Variants in GABRB1 observed in about 807,000 individuals in gnomAD.
GABRB1 encodes the protein gamma-aminobutyric acid type A receptor subunit beta1.
GABRB1 carries 17 observed loss-of-function variants against 51.6 expected under a neutral mutation model. The ratio of observed to expected loss-of-function variants is 0.33; its 90% CI spans 0.23 to 0.49. The LOEUF (loss-of-function observed/expected upper bound fraction) is 0.49. Ranked by LOEUF, GABRB1 falls within the 20% of genes least tolerant of loss-of-function variation. The pLI, the probability that GABRB1 is intolerant of heterozygous loss-of-function variation, is 0.99. For missense variants in GABRB1, 410 were observed against 600.6 expected, an observed-to-expected ratio of 0.68 and a Z score of 3.32; for synonymous variants, 247 against 218.9, an observed-to-expected ratio of 1.13 and a Z score of -1.14.
rs186868562 is a variant in GABRB1, at chr4:47,131,458, G to A, written c.241-29791G>A. 3.8e-4 allele frequency among the ~76,000 whole-genome samples: 58 copies of A among 152,230 alleles called. No individual in the cohort carries two copies. In the East Asian group the frequency reaches 7.0e-3, roughly 18 times the overall value. On this transcript the variant is annotated intron_variant, in intron 3 of 8. Coordinates refer to ENST00000295454, the MANE Select transcript of GABRB1 (RefSeq NM_000812.4). ...CCGGTGTGAGCCACCGCACCAGGCC[G>A]AGTCTTGTTTTTCTGAGTGCAATGT... is the stretch of plus-strand genomic sequence containing the variant.
At chr4:47,093,427 TATA>T (rs1714221320) in intron 3 of GABRB1, among the ~76,000 whole-genome samples, 1 of 152,256 alleles carries the variant, frequency 6.6e-6, no homozygotes, top group Non-Finnish European at 1.5e-5. Flanking sequence ...CAATGTTCTC[TATA>T]ATAAATACTG....
At chr4:47,311,868 G>T (rs1464252617) in intron 4 of GABRB1, among the ~76,000 whole-genome samples, 2 of 151,956 alleles carry the variant, frequency 1.3e-5, no homozygotes, top group Non-Finnish European at 2.9e-5. Context: ...ATTATTTGTG[G>T]GAGTCCAATG....
chr4:47,033,462 C>CAGCT (rs1363462151), intron 3 of GABRB1, among the ~76,000 whole-genome samples: 2 of 152,178 alleles, frequency 1.3e-5, no homozygotes, highest in African/African-American at 4.8e-5. Flanking sequence ...ACCCAGGGAA[C>CAGCT]AGCTAGATCT....
At chr4:47,226,595 T>C (rs904262773) in intron 4 of GABRB1, among the ~76,000 whole-genome samples, 3 of 152,062 alleles carry the variant, frequency 2.0e-5, no homozygotes, top group African/African-American at 4.8e-5. Flanking sequence ...AATAAAATCC[T>C]TTTTTTATAT....
intron 4 of GABRB1, among the ~76,000 whole-genome samples, chr4:47,214,513 A>AT (rs1330166144): frequency 6.6e-6 from 1 of 152,162 alleles, no homozygotes; most frequent in African/African-American, 2.4e-5. Flanking sequence ...TGTAGGGCTT[A>AT]TGAGAGAATG....
chr4:47,032,694 C>T (rs755826937), intron 3 of GABRB1: 2 of 712,938 alleles, frequency 2.8e-6, no homozygotes, highest in Non-Finnish European at 2.6e-6. Context: ...CCAGGGGAAA[C>T]GTGCTCGGCA....
intron 3 of GABRB1, among the ~76,000 whole-genome samples, chr4:47,125,515 G>A (rs537556293): frequency 9.4e-4 from 140 of 149,412 alleles, no homozygotes; most frequent in African/African-American, 3.2e-3. Flanking sequence ...TTTCAAGATA[G>A]CTATAGATAC....
intron 3 of GABRB1, among the ~76,000 whole-genome samples, chr4:47,138,954 T>G (rs1425735430): frequency 6.6e-6 from 1 of 152,086 alleles, no homozygotes; most frequent in Non-Finnish European, 1.5e-5. Flanking sequence ...TTTGCTTAAA[T>G]AAGTGGCTTC....
upstream of GABRB1, among the ~76,000 whole-genome samples, chr4:47,029,763 T>C (rs908586298): frequency 4.6e-5 from 7 of 152,108 alleles, no homozygotes; most frequent in Non-Finnish European, 8.8e-5. Flanking sequence ...TTATGGATAA[T>C]AAATTGTCTT....
chr4:47,311,854 A>G (rs1724699336), intron 4 of GABRB1, among the ~76,000 whole-genome samples: 1 of 152,084 alleles, frequency 6.6e-6, no homozygotes, highest in Non-Finnish European at 1.5e-5. Context: ...TGAACCCGCA[A>G]TCCATTATTT....
chr4:47,299,849 A>C (rs1724177850), intron 4 of GABRB1, among the ~76,000 whole-genome samples: 1 of 152,034 alleles, frequency 6.6e-6, no homozygotes, highest in African/African-American at 2.4e-5. Flanking sequence ...CCAAATGTCC[A>C]ACAATGATAG....
intron 3 of GABRB1, among the ~76,000 whole-genome samples, chr4:47,087,931 G>A (rs548873964): frequency 6.6e-6 from 1 of 152,258 alleles, no homozygotes; most frequent in East Asian, 1.9e-4. Flanking sequence ...TTTGCAACCT[G>A]GGAACCTACT....
intron 3 of GABRB1, among the ~76,000 whole-genome samples, chr4:47,127,374 A>G (rs1716200252): frequency 6.6e-6 from 1 of 151,854 alleles, no homozygotes; most frequent in Admixed American, 6.6e-5. Flanking sequence ...GAAATTGTTT[A>G]GTATTGGAAT....
At chr4:47,410,953 G>A (rs770628994) in intron 8 of GABRB1, among the ~76,000 whole-genome samples, 1 of 152,122 alleles carries the variant, frequency 6.6e-6, no homozygotes, top group Admixed American at 6.5e-5. Flanking sequence ...ACATATTCTG[G>A]ATGATATGTT....
chr4:47,297,565 T>A (rs777937043), intron 4 of GABRB1, among the ~76,000 whole-genome samples: 1 of 151,702 alleles, frequency 6.6e-6, no homozygotes, highest in South Asian at 2.1e-4. Context: ...CAGGAAGAGG[T>A]TGAATCTCTG....
intron 8 of GABRB1, among the ~76,000 whole-genome samples, chr4:47,422,720 A>G (rs1729130321): frequency 6.6e-6 from 1 of 152,174 alleles, no homozygotes; most frequent in Non-Finnish European, 1.5e-5. Context: ...CCACATATAC[A>G]TTATTTGCTG....
At chr4:47,249,474 G>A (rs998839042) in intron 4 of GABRB1, among the ~76,000 whole-genome samples, 1 of 152,102 alleles carries the variant, frequency 6.6e-6, no homozygotes, top group Non-Finnish European at 1.5e-5. Flanking sequence ...TGAACAGAAT[G>A]TGTATTCTGC....
intron 3 of GABRB1, among the ~76,000 whole-genome samples, chr4:47,135,786 T>C (rs1440149863): frequency 6.6e-6 from 1 of 152,164 alleles, no homozygotes. Flanking sequence ...AAAGCTTTAG[T>C]GGCTCTTTCC....
At chr4:47,386,458 C>T (rs1461452683) in intron 5 of GABRB1, among the ~76,000 whole-genome samples, 4 of 152,132 alleles carry the variant, frequency 2.6e-5, no homozygotes, top group East Asian at 1.9e-4. Context: ...CACATCAATA[C>T]AGACAATAAG....
Sources: allele counts gnomAD v4.1 joint callset (sites outside exome capture counted in the v4.1 genomes callset), GRCh38; gene constraint gnomAD v4.1.1; transcripts MANE v1.5; gene names NCBI Gene and HGNC (gene_info 2026-07-23, HGNC 2026-07-21).